NUP37: variants seen among roughly 807,000 people sequenced by gnomAD.
The protein encoded by NUP37 is nucleoporin Nup37.
Under a neutral mutation model 45.4 loss-of-function variants are expected in NUP37, and 33 were observed. The observed-to-expected ratio is 0.73, with a 90% CI of 0.55 to 0.97. NUP37 has a LOEUF of 0.97. Ranked by LOEUF, NUP37 falls within the 50% of genes least tolerant of loss-of-function variation. The pLI, the probability that NUP37 is intolerant of heterozygous loss-of-function variation, is 0.00. For synonymous variants in NUP37, 127 were observed against 130.7 expected (o/e 0.97, Z 0.19); for missense variants, 365 against 389.7 (o/e 0.94, Z 0.53).
At chr12:102,099,565 C>T (rs890596581) in intron 4 of NUP37, among the ~76,000 whole-genome samples, 2 of 152,002 alleles carry the variant, frequency 1.3e-5, no homozygotes, top group Non-Finnish European at 2.9e-5. Flanking sequence ...TTAGGGGTAC[C>T]GAGGTAGGGT....
intron 5 of NUP37, among the ~76,000 whole-genome samples, chr12:102,092,184 G>A (rs1205721324): frequency 2.0e-5 from 3 of 152,040 alleles, no homozygotes; most frequent in Non-Finnish European, 4.4e-5. Context: ...GAAATTCATC[G>A]CAGAAGGGAA....
chr12:102,101,563 TAAATC>T (rs1299512713), intron 3 of NUP37, among the ~76,000 whole-genome samples: 3 of 152,146 alleles, frequency 2.0e-5, no homozygotes. Context: ...TTCCTCCAAA[TAAATC>T]AGATGAAGTA....
At chr12:102,086,055 A>G (rs1335974737) in intron 5 of NUP37, among the ~76,000 whole-genome samples, 199 bp from the exon 6 acceptor site, 1 of 152,192 alleles carries the variant, frequency 6.6e-6, no homozygotes, top group African/African-American at 2.4e-5. Flanking sequence ...AAATTTTACC[A>G]TAATCATGGA....
chr12:102,102,382 G>A (rs1232729135), intron 3 of NUP37, among the ~76,000 whole-genome samples: 2 of 152,162 alleles, frequency 1.3e-5, no homozygotes, highest in Non-Finnish European at 2.9e-5. Context: ...AATTAAAGTT[G>A]TAGTGGAATA....
chr12:102,097,285 A>G (rs888971845), intron 5 of NUP37, among the ~76,000 whole-genome samples: 1 of 152,204 alleles, frequency 6.6e-6, no homozygotes, highest in Non-Finnish European at 1.5e-5. Context: ...TTGTTGAACA[A>G]TAATATCAAC....
intron 4 of NUP37, 115 bp downstream of exon 4, chr12:102,100,917 T>C (rs1879951329): frequency 3.3e-6 from 2 of 599,794 alleles, no homozygotes. Context: ...CTAAATTATA[T>C]ACTTTAATGA....
intron 3 of NUP37, among the ~76,000 whole-genome samples, chr12:102,109,913 G>C (rs1029175048): frequency 1.3e-5 from 2 of 152,138 alleles, no homozygotes; most frequent in African/African-American, 4.8e-5. Flanking sequence ...AAAGAGACTT[G>C]TTCTTGTTTA....
At chr12:102,100,912 T>G in intron 4 of NUP37, 120 bp downstream of exon 4, 1 of 590,526 alleles carries the variant, frequency 1.7e-6, no homozygotes, top group South Asian at 2.2e-5. Context: ...AGACTCTAAA[T>G]TATATACTTT....
intron 3 of NUP37, among the ~76,000 whole-genome samples, chr12:102,103,044 T>C (rs1476553057): frequency 1.3e-5 from 1 of 78,920 alleles, no homozygotes; most frequent in East Asian, 5.6e-4. Flanking sequence ...GGGTTTGTTC[T>C]TTTTTTTGCT....
intron 4 of NUP37, among the ~76,000 whole-genome samples, chr12:102,100,022 C>T (rs1209809014): frequency 6.6e-6 from 1 of 151,900 alleles, no homozygotes; most frequent in Non-Finnish European, 1.5e-5. Flanking sequence ...TCAAACATTC[C>T]TGAGCAACTT....
intron 7 of NUP37, 67 bp from the exon 8 acceptor site, chr12:102,076,914 A>T: frequency 8.8e-7 from 1 of 1,139,822 alleles, no homozygotes; most frequent in African/African-American, 1.5e-5. Flanking sequence ...TTAAGGTTTA[A>T]ACAGTATTTT....
At chr12:102,118,611 C>A in intron 1 of NUP37, 28 bp from the exon 2 acceptor site, 2 of 1,098,858 alleles carry the variant, frequency 1.8e-6, no homozygotes, top group Non-Finnish European at 2.6e-6. Context: ...GGTACAATTA[C>A]AATGGTCAAT....
intron 6 of NUP37, chr12:102,079,264 G>A: frequency 2.2e-6 from 1 of 455,444 alleles, no homozygotes; most frequent in Non-Finnish European, 4.4e-6. Context: ...TTACTGTATG[G>A]CTAAAATGTG....
chr12:102,112,076 G>GTAAGGAA (rs755469075), intron 3 of NUP37, 32 bp downstream of exon 3: 5 of 1,600,208 alleles, frequency 3.1e-6, no homozygotes, highest in Non-Finnish European at 4.3e-6. Context: ...AAGTACATTA[G>GTAAGGAA]TAAGGAATGC....
In NUP37 at chr12:102,099,256, A is replaced by G. The variant is rs546495830; in HGVS notation, c.355-56T>C. 4.2e-6 allele frequency: 5 copies of G among 1,189,092 alleles called. No homozygotes were observed. The African/African-American group carries it at 4.5e-5, about 11-fold the overall frequency. 73.7% of individuals were successfully genotyped at this position (1,189,092 alleles called of 1,614,324 possible). On this transcript the variant is annotated intron_variant, in intron 4 of 9. Coordinates refer to ENST00000552283, the MANE Select transcript of NUP37 (RefSeq NM_024057.4). ...AGAAAACAGAAAAATAACCTACAATATTCCTACATAATATTTTTGCTTCAC... is the reference window on the plus strand; with the variant it reads ...AGAAAACAGAAAAATAACCTACAATGTTCCTACATAATATTTTTGCTTCAC...
chr12:102,117,776 A>G (rs1880506278), intron 2 of NUP37, among the ~76,000 whole-genome samples: 1 of 152,222 alleles, frequency 6.6e-6, no homozygotes, highest in Non-Finnish European at 1.5e-5. Flanking sequence ...ATCTTATTCA[A>G]GGTCTCATAG....
chr12:102,094,307 C>A (rs1297965787), intron 5 of NUP37, among the ~76,000 whole-genome samples: 1 of 152,070 alleles, frequency 6.6e-6, no homozygotes, highest in Non-Finnish European at 1.5e-5. Flanking sequence ...TGAATTTTAA[C>A]TATAACAGTA....
chr12:102,074,492 G>A, intron 9 of NUP37, 25 bp from the exon 10 acceptor site: 1 of 1,390,366 alleles, frequency 7.2e-7, no homozygotes, highest in South Asian at 1.3e-5. Flanking sequence ...AAGAATTAAA[G>A]AAGCACAGTA....
chr12:102,116,759 C>T (rs1034266022), intron 2 of NUP37, among the ~76,000 whole-genome samples: 1 of 152,102 alleles, frequency 6.6e-6, no homozygotes, highest in African/African-American at 2.4e-5. Flanking sequence ...AATCCCAGTA[C>T]TTTGGGAGGC....
Sources: gnomAD v4.1 joint callset for allele counts (sites outside exome capture counted in the v4.1 genomes callset) on GRCh38, gnomAD v4.1.1 for gene constraint, MANE v1.5 for transcripts, NCBI Gene and HGNC (gene_info 2026-07-23, HGNC 2026-07-21) for gene names.